The following ROBO1 variants were observed in gnomAD, a reference collection of about 807,000 sequenced individuals.
The protein encoded by ROBO1 is roundabout guidance receptor 1.
ROBO1 carries 149 observed loss-of-function variants against 195.9 expected under a neutral mutation model. The ratio of observed to expected loss-of-function variants is 0.76; its 90% CI spans 0.67 to 0.87. ROBO1 has a LOEUF of 0.87. Among genes scored for constraint, ROBO1 ranks in the 40% least tolerant of loss-of-function variants. The pLI is 0.00. For synonymous variants in ROBO1, 816 were observed against 733.2 expected, an observed-to-expected ratio of 1.11 and a Z score of -1.82; for missense variants, 1,933 against 2,068.3, an observed-to-expected ratio of 0.93 and a Z score of 1.27.
rs1189762447 is a variant in ROBO1, at chr3:78,656,592, T to C, written c.2614+506A>G. Among the ~76,000 whole-genome samples the C allele has an allele frequency of 2.0e-5, 3 of 151,946 alleles. No individual in the cohort carries two copies. In the East Asian group the frequency reaches 5.8e-4, roughly 29 times the overall value. On this transcript the variant is annotated intron_variant, in intron 18 of 30. Coordinates refer to ENST00000464233, the MANE Select transcript of ROBO1 (RefSeq NM_002941.4). ...GGTCTCGATCTCCTGACCTCGTGAT[T>C]TGCCTGCCTCGGCCTCCCAGAGTGT...
In ROBO1 at chr3:79,646,990, G is replaced by A. The variant is rs148080561; in HGVS notation, c.-50-57029C>T. Among the ~76,000 whole-genome samples, 358 of 152,092 alleles carry A rather than the reference G, an allele frequency of 2.4e-3. 1 individual carries two copies. The highest frequency in any genetic ancestry group is 4.5e-3 in the Non-Finnish European group (304 of 67,962). On this transcript the variant is annotated intron_variant, in intron 1 of 30. Coordinates refer to ENST00000464233, the MANE Select transcript of ROBO1 (RefSeq NM_002941.4). ...ATAGAAGAAATAAGACCTGGTGTTA[G>A]ACAGATCAGTAGGGTGACTATAGGT... is the stretch of plus-strand genomic sequence containing the variant.
At chr3:78,988,160 T>G (rs935090122) in intron 3 of ROBO1, among the ~76,000 whole-genome samples, 3 of 152,112 alleles carry the variant, frequency 2.0e-5, no homozygotes, top group Admixed American at 6.6e-5. Flanking sequence ...CATTTTCACT[T>G]GAGTGGACTT....
At chr3:78,688,912 C>A in intron 8 of ROBO1, 140 bp from the exon 9 acceptor site, 1 of 802,626 alleles carries the variant, frequency 1.2e-6, no homozygotes, top group Non-Finnish European at 1.7e-6. Context: ...CAATTCTTGT[C>A]CTTAATTTGA....
At chr3:79,668,823 G>T (rs1354404192) in intron 1 of ROBO1, among the ~76,000 whole-genome samples, 2 of 151,630 alleles carry the variant, frequency 1.3e-5, no homozygotes, top group South Asian at 4.2e-4. Context: ...TGGAAATTTC[G>T]GCTTCAAAGA....
At chr3:79,080,100 G>A (rs2079244128) in intron 3 of ROBO1, among the ~76,000 whole-genome samples, 1 of 151,652 alleles carries the variant, frequency 6.6e-6, no homozygotes, top group Non-Finnish European at 1.5e-5. Flanking sequence ...AAGTGTTACA[G>A]GGTTGATACT....
At chr3:78,936,183 G>A (rs1024232009) in intron 4 of ROBO1, among the ~76,000 whole-genome samples, 6 of 151,962 alleles carry the variant, frequency 3.9e-5, no homozygotes, top group Non-Finnish European at 7.4e-5. Context: ...CAGAAATAAA[G>A]GTTTTAAATG....
chr3:78,748,343 G>A (rs1466701291), intron 4 of ROBO1, among the ~76,000 whole-genome samples: 1 of 152,096 alleles, frequency 6.6e-6, no homozygotes, highest in African/African-American at 2.4e-5. Context: ...TACTCCGGAG[G>A]CTGAGGCAGG....
Position 78,938,753 on chromosome 3 carries a change from C to A in ROBO1, c.347G>T (p.Arg116Leu). 1.2e-6 allele frequency: 2 copies of A among 1,613,904 alleles called. No individual in the cohort carries two copies. Among genetic ancestry groups the A allele is most frequent in the Non-Finnish European group, 1.7e-6 (2 of 1,179,874 alleles). Residue 116 changes from arginine (R) to leucine (L), a missense_variant, in exon 4 of 31, where the codon CGC (arginine) becomes CTC (leucine). Around this residue, in one of 3 missense-constraint regions of ROBO1, gnomAD observed 185 missense variants for 159.5 expected, o/e 1.16. Coordinates refer to ENST00000464233, the MANE Select transcript of ROBO1 (RefSeq NM_002941.4). ...ERVETDKDDP[R>L]SHRMLLPSGS... The stretch of plus-strand genomic sequence containing the variant: ...ACTCGGCAGCAACATTCGGTGTGAG[C>A]GAGGGTCATCTTTGTCTGTCTCCAC...
At chr3:78,970,922 T>C (rs536235447) in intron 3 of ROBO1, among the ~76,000 whole-genome samples, 87 of 150,198 alleles carry the variant, frequency 5.8e-4, no homozygotes, top group African/African-American at 2.1e-3. Context: ...ATTGTTAGTA[T>C]AGATTGCAAA....
chr3:78,725,557 A>G (rs2082142018), intron 5 of ROBO1, among the ~76,000 whole-genome samples: 1 of 152,170 alleles, frequency 6.6e-6, no homozygotes, highest in Non-Finnish European at 1.5e-5. Flanking sequence ...TGCTTACTGA[A>G]TAATTATAGA....
chr3:79,092,990 A>T (rs1339799470), intron 3 of ROBO1, among the ~76,000 whole-genome samples: 1 of 152,152 alleles, frequency 6.6e-6, no homozygotes, highest in African/African-American at 2.4e-5. Flanking sequence ...TTGTGTGTAA[A>T]CTAACATTTG....
At position 78,708,256 on chromosome 3, in the gene ROBO1, A is replaced by G. The variant is rs2081599373; in HGVS notation, c.1045+6141T>C. Among the ~76,000 whole-genome samples the G allele has an allele frequency of 2.0e-5, 3 of 152,302 alleles. No individual in the cohort carries two copies. The South Asian group carries it at 6.2e-4, about 32-fold the overall frequency. On this transcript the variant is annotated intron_variant, in intron 8 of 30. Coordinates refer to ENST00000464233, the MANE Select transcript of ROBO1 (RefSeq NM_002941.4). ...CTCAAACTTTAAACTATGTGGCTTT[A>G]TCACCTATCTTTCGTTTGGAAGAGC...
At chr3:78,965,602 A>G (rs1282940692) in intron 3 of ROBO1, among the ~76,000 whole-genome samples, 4 of 152,080 alleles carry the variant, frequency 2.6e-5, no homozygotes, top group Admixed American at 2.0e-4. Context: ...TATCTTCTTT[A>G]AGTATGTTTA....
chr3:78,883,707 A>G (rs1032198246), intron 4 of ROBO1, among the ~76,000 whole-genome samples: 5 of 152,126 alleles, frequency 3.3e-5, no homozygotes, highest in Non-Finnish European at 5.9e-5. Context: ...ACTGTTAATA[A>G]TTTACTATAT....
chr3:79,213,504 G>C (rs2082001513), intron 2 of ROBO1, among the ~76,000 whole-genome samples: 1 of 151,980 alleles, frequency 6.6e-6, no homozygotes, highest in African/African-American at 2.4e-5. Context: ...AATTTTGTAT[G>C]CTGTCTCTAA....
rs555111485 is a variant in ROBO1 at position 78,999,443 on chromosome 3, C to A, written c.173-60516G>T. 2.6e-5 allele frequency among the ~76,000 whole-genome samples: 4 copies of A among 152,118 alleles called. No individual in the cohort carries two copies. The South Asian group carries it at 8.3e-4, about 32-fold the overall frequency. On this transcript the variant is annotated intron_variant, in intron 3 of 30. Transcript: ENST00000464233. ...TATCCTAAGCAAATTTACACAGGAA[C>A]AGAAAACCAACTTTCACATGTTCTC... is the stretch of plus-strand genomic sequence containing the variant.
At chr3:78,762,533 A>G (rs2083131162) in intron 4 of ROBO1, among the ~76,000 whole-genome samples, 1 of 152,018 alleles carries the variant, frequency 6.6e-6, no homozygotes. Context: ...AATTTAATAT[A>G]ATAATTTCAC....
intron 1 of ROBO1, among the ~76,000 whole-genome samples, chr3:79,692,445 T>C (rs1947323804): frequency 6.6e-6 from 1 of 151,956 alleles, no homozygotes; most frequent in East Asian, 1.9e-4. Flanking sequence ...GTAGGGTGAT[T>C]AGTGTCTTCA....
At chr3:78,770,736 C>T (rs868732477) in intron 4 of ROBO1, among the ~76,000 whole-genome samples, 4 of 152,094 alleles carry the variant, frequency 2.6e-5, no homozygotes, top group South Asian at 2.1e-4. Context: ...CCTAGGTTTT[C>T]CTCTAGTATT....
Sources: allele counts gnomAD v4.1 joint callset (sites outside exome capture counted in the v4.1 genomes callset), GRCh38; gene constraint gnomAD v4.1.1; regional missense constraint gnomAD v4.1.1; transcripts MANE v1.5; gene names NCBI Gene and HGNC (gene_info 2026-07-23, HGNC 2026-07-21).